BFAR: variants seen among roughly 807,000 people sequenced by gnomAD.
The protein encoded by BFAR is RING finger protein 47.
BFAR carries 52 observed loss-of-function variants against 54.4 expected under a neutral mutation model. That is an observed-to-expected ratio of 0.96 (90% CI 0.77 to 1.21). The LOEUF is 1.21. BFAR is among the 50% of genes most tolerant of loss of function. BFAR has a pLI of 0.00. For missense variants in BFAR, 571 were observed against 534.0 expected, an observed-to-expected ratio of 1.07 and a Z score of -0.68; for synonymous variants, 215 against 204.3, an observed-to-expected ratio of 1.05 and a Z score of -0.45.
chr16:14,652,788 T>C (rs2151840563), intron 4 of BFAR, among the ~76,000 whole-genome samples: 1 of 152,262 alleles, frequency 6.6e-6, no homozygotes. Flanking sequence ...TATACATGTA[T>C]ATATATATTT....
intron 1 of BFAR, among the ~76,000 whole-genome samples, chr16:14,642,135 C>A (rs1959648104): frequency 6.6e-6 from 1 of 152,174 alleles, no homozygotes; most frequent in Non-Finnish European, 1.5e-5. Flanking sequence ...GTGAGCCCTT[C>A]CCTGCATGGC....
At chr16:14,645,256 A>C (rs1959757352) in intron 2 of BFAR, among the ~76,000 whole-genome samples, 2 of 152,036 alleles carry the variant, frequency 1.3e-5, no homozygotes, top group South Asian at 4.2e-4. Context: ...TCGAGGCTGC[A>C]ATGAGCTCAC....
intron 1 of BFAR, among the ~76,000 whole-genome samples, chr16:14,635,877 G>T (rs867090995): frequency 6.6e-6 from 1 of 151,732 alleles, no homozygotes; most frequent in East Asian, 1.9e-4. Context: ...TGATCCACCC[G>T]CCTCGGCCTC....
intron 4 of BFAR, among the ~76,000 whole-genome samples, chr16:14,653,339 A>T (rs983565766): frequency 2.6e-5 from 4 of 151,852 alleles, no homozygotes; most frequent in African/African-American, 9.7e-5. Flanking sequence ...TTTAATTTTT[A>T]TTTTTTTGAG....
chr16:14,660,392 T>C (rs1960255676), intron 5 of BFAR, among the ~76,000 whole-genome samples: 1 of 151,948 alleles, frequency 6.6e-6, no homozygotes. Flanking sequence ...GTTCAAGTGA[T>C]TGTCCTGTCT....
chr16:14,665,333 AG>A (rs1201418796), intron 7 of BFAR, among the ~76,000 whole-genome samples: 3 of 148,278 alleles, frequency 2.0e-5, no homozygotes, highest in Non-Finnish European at 4.5e-5. Context: ...TTTCAGGGGG[AG>A]GGGGGCAAAG....
chr16:14,644,417 G>A lies in BFAR; in HGVS notation c.71G>A (p.Gly24Asp), dbSNP rs11546304. 4.0e-5 allele frequency: 64 copies of A among 1,613,720 alleles called. No individual in the cohort carries two copies. Among genetic ancestry groups the A allele is most frequent in the Non-Finnish European group, 5.3e-5 (63 of 1,179,880 alleles). Reference protein sequence around the residue: ...LERDEPLKSTGPQISVSEFSC... With the variant: ...LERDEPLKSTDPQISVSEFSC... The stretch of plus-strand genomic sequence containing the variant: ...AGAGATGAACCTCTCAAAAGCACCG[G>A]CCCTCAGATTTCTGTTAGTGAATTT... The change falls in exon 2 of 8, where the codon GGC (glycine) becomes GAC (aspartate). Residue 24 changes from glycine (G) to aspartate (D), a missense_variant. Physicochemically the swap from Gly to Asp is moderately conservative, Grantham distance 94. Coordinates refer to ENST00000261658, the MANE Select transcript of BFAR (RefSeq NM_016561.3).
intron 5 of BFAR, among the ~76,000 whole-genome samples, chr16:14,658,032 G>A (rs1960177586): frequency 6.6e-6 from 1 of 152,160 alleles, no homozygotes; most frequent in Non-Finnish European, 1.5e-5. Flanking sequence ...ATTGCCTGGG[G>A]AACTGGGGTT....
chr16:14,664,624 A>G (rs1367421142), intron 6 of BFAR, among the ~76,000 whole-genome samples: 1 of 151,892 alleles, frequency 6.6e-6, no homozygotes, highest in African/African-American at 2.4e-5. Flanking sequence ...CTCAGCCTCT[A>G]GAGTAGTTGG....
At position 14,668,956 on chromosome 16, in the gene BFAR, C is replaced by A; in HGVS notation, c.*1129C>A. 5.2e-6 allele frequency: 2 copies of A among 383,754 alleles called. No homozygotes were observed. The highest frequency in any genetic ancestry group is 7.6e-5 in the East Asian group (1 of 13,192). The allele number at this position is 383,754 out of a possible 1,614,324, so 23.8% of individuals were successfully genotyped here. A position where few individuals can be genotyped will look rare whatever the true frequency, so the allele number is the denominator to read the frequency against. ...TATTGTCCTATCCTGATGTATAATA[C>A]AGCAGGTATAATTACACCAAGCGCT... On this transcript the variant is annotated 3_prime_UTR_variant, in exon 8 of 8. Coordinates refer to ENST00000261658, the MANE Select transcript of BFAR (RefSeq NM_016561.3).
At chr16:14,650,573 T>C (rs1959939760) in intron 4 of BFAR, 1 of 152,232 alleles carries the variant, frequency 6.6e-6, no homozygotes, top group African/African-American at 2.4e-5. Flanking sequence ...ACGTTTGATA[T>C]AAATGGATTC....
chr16:14,659,073 AATTTTTTGT>A (rs1274556038), intron 5 of BFAR, among the ~76,000 whole-genome samples: 1 of 149,978 alleles, frequency 6.7e-6, no homozygotes. Flanking sequence ...ATGCCAAGCT[AATTTTTTGT>A]ATTTTTAGTA....
chr16:14,646,774 A>G (rs1277613983), intron 2 of BFAR, among the ~76,000 whole-genome samples: 1 of 152,178 alleles, frequency 6.6e-6, no homozygotes, highest in Non-Finnish European at 1.5e-5. Context: ...CTGGGATTAC[A>G]GGCATGAGCC....
In BFAR at chr16:14,667,126, G is replaced by C. The variant is rs536926701; in HGVS notation, c.1161-509G>C. On this transcript the variant is annotated intron_variant, in intron 7 of 7. Transcript: ENST00000261658. ...GTTGAGGTGGAGGATCACCTGAGCC[G>C]AGGAGTTTGAGACCAGCCTGGGTAA... 4.5e-4 allele frequency among the ~76,000 whole-genome samples: 69 copies of C among 152,064 alleles called. 1 individual carries two copies. The highest frequency in any genetic ancestry group is 4.4e-3 in the Admixed American group (67 of 15,222).
At chr16:14,663,301 C>T (rs1009489494) in intron 6 of BFAR, among the ~76,000 whole-genome samples, 2 of 150,160 alleles carry the variant, frequency 1.3e-5, no homozygotes, top group African/African-American at 4.9e-5. Flanking sequence ...TCAATTTTAA[C>T]GAGCTCCAAC....
chr16:14,659,415 TG>T (rs1960226624), intron 5 of BFAR, among the ~76,000 whole-genome samples: 1 of 150,874 alleles, frequency 6.6e-6, no homozygotes, highest in African/African-American at 2.4e-5. Flanking sequence ...TAATTTTTTT[TG>T]TATTTTTAGT....
At chr16:14,644,819 C>T (rs377688426) in intron 2 of BFAR, among the ~76,000 whole-genome samples, 1 of 152,086 alleles carries the variant, frequency 6.6e-6, no homozygotes, top group South Asian at 2.1e-4. Flanking sequence ...TGGGCTTTCT[C>T]TTAACAGGAA....
intron 1 of BFAR, among the ~76,000 whole-genome samples, chr16:14,637,215 T>C (rs1348329273): frequency 6.6e-6 from 1 of 151,880 alleles, no homozygotes; most frequent in Non-Finnish European, 1.5e-5. Context: ...CAAATGCTAG[T>C]TTGTTTTTCT....
chr16:14,653,618 C>A (rs1960038317), intron 4 of BFAR, among the ~76,000 whole-genome samples: 1 of 151,932 alleles, frequency 6.6e-6, no homozygotes, highest in South Asian at 2.1e-4. Flanking sequence ...TGAGCCACCG[C>A]CCCCAGCCAG....
Sources: gnomAD v4.1 joint callset for allele counts (sites outside exome capture counted in the v4.1 genomes callset) on GRCh38, gnomAD v4.1.1 for gene constraint, MANE v1.5 for transcripts, NCBI Gene and HGNC (gene_info 2026-07-23, HGNC 2026-07-21) for gene names.